CHN2: variants seen among roughly 807,000 people sequenced by gnomAD.
CHN2 encodes the protein beta-chimaerin.
A neutral mutation model predicts 56.3 loss-of-function variants in CHN2; 35 were observed. The observed-to-expected ratio is 0.62, with a 90% CI of 0.47 to 0.82. CHN2 has a LOEUF of 0.82. Ranked by LOEUF, CHN2 falls within the 40% of genes least tolerant of loss-of-function variation. The pLI is 0.00. For missense variants in CHN2, 491 were observed against 580.5 expected (o/e 0.85, Z 1.58); for synonymous variants, 210 against 212.8 (o/e 0.99, Z 0.12).
At chr7:29,277,383 A>G (rs906307183) in intron 1 of CHN2, among the ~76,000 whole-genome samples, 12 of 152,224 alleles carry the variant, frequency 7.9e-5, no homozygotes, top group African/African-American at 2.9e-4. Context: ...TCAAGCCCAT[A>G]CTGGCATGAA....
chr7:29,371,588 T>G (rs1377423740), intron 3 of CHN2, among the ~76,000 whole-genome samples: 2 of 152,166 alleles, frequency 1.3e-5, no homozygotes, highest in African/African-American at 4.8e-5. Flanking sequence ...ACAAACTGTG[T>G]GGAATGTTGA....
chr7:29,195,983 A>G (rs1490231024), intron 1 of CHN2, among the ~76,000 whole-genome samples: 1 of 152,148 alleles, frequency 6.6e-6, no homozygotes, highest in Non-Finnish European at 1.5e-5. Context: ...CATTTAGGGT[A>G]GTATACAGTA....
intron 6 of CHN2, among the ~76,000 whole-genome samples, chr7:29,438,374 A>G (rs1011881440): frequency 5.3e-5 from 8 of 152,206 alleles, no homozygotes; most frequent in Non-Finnish European, 1.0e-4. Flanking sequence ...TTTCTTAGCA[A>G]TTTGTTCTGA....
At chr7:29,342,226 A>G (rs541003073) in intron 1 of CHN2, among the ~76,000 whole-genome samples, 10 of 152,284 alleles carry the variant, frequency 6.6e-5, no homozygotes, top group Admixed American at 3.3e-4. Flanking sequence ...CTGGATGGTT[A>G]GATGGATGGA....
intron 1 of CHN2, chr7:29,208,813 C>T (rs1218990751): frequency 1.3e-5 from 2 of 152,138 alleles, no homozygotes; most frequent in African/African-American, 2.4e-5. Flanking sequence ...GCTGAGGTAC[C>T]GTGGTTGTAG....
chr7:29,320,846 T>G (rs1416338654), intron 1 of CHN2, among the ~76,000 whole-genome samples: 1 of 152,144 alleles, frequency 6.6e-6, no homozygotes, highest in Non-Finnish European at 1.5e-5. Flanking sequence ...TCCTTTCACC[T>G]CATATCCTGT....
At chr7:29,446,751 C>G (rs1784061903) in intron 6 of CHN2, among the ~76,000 whole-genome samples, 1 of 152,212 alleles carries the variant, frequency 6.6e-6, no homozygotes, top group African/African-American at 2.4e-5. Flanking sequence ...TGTAACAAAA[C>G]TAGCGAGGCT....
chr7:29,480,992 T>A (rs1000549574), intron 7 of CHN2, among the ~76,000 whole-genome samples: 6 of 152,238 alleles, frequency 3.9e-5, no homozygotes, highest in Non-Finnish European at 5.9e-5. Flanking sequence ...CAAGTGAATT[T>A]ATAAACTGGA....
rs1791783534 is a variant in CHN2 at position 29,513,955 on chromosome 7, A to G, written c.*1220A>G. The G allele has an allele frequency of 6.6e-6, 1 of 152,670 alleles. No individual in the cohort carries two copies. Among genetic ancestry groups the G allele is most frequent in the East Asian group, 1.9e-4 (1 of 5,204 alleles). 9.5% of individuals were successfully genotyped at this position (152,670 alleles called of 1,614,324 possible). On this transcript the variant is annotated 3_prime_UTR_variant, in exon 13 of 13. Coordinates refer to ENST00000222792, the MANE Select transcript of CHN2 (RefSeq NM_004067.4). Reference sequence around the variant, plus strand: ...TTAAAACATCAAAAACTGTAAATCTAGATTTTTAAAAAATCCAACTGCAAT... The same window carrying G: ...TTAAAACATCAAAAACTGTAAATCTGGATTTTTAAAAAATCCAACTGCAAT...
At chr7:29,214,382 T>C (rs1311545022) in intron 1 of CHN2, among the ~76,000 whole-genome samples, 5 of 152,204 alleles carry the variant, frequency 3.3e-5, no homozygotes, top group Non-Finnish European at 7.3e-5. Context: ...TTCCCTTTTA[T>C]CCATATGTTA....
At chr7:29,203,467 C>CAAAAAAAAAAAAAAAAAAAAAAAAAAAA (rs11287820) in intron 1 of CHN2, among the ~76,000 whole-genome samples, 1 of 55,584 alleles carries the variant, frequency 1.8e-5, no homozygotes, top group Non-Finnish European at 3.8e-5. Context: ...AACTCCGTCT[C>CAAAAAAAAAAAAAAAAAAAAAAAAAAAA]AAAAAAAAAA....
At chr7:29,480,884 G>A (rs1405085145) in intron 7 of CHN2, among the ~76,000 whole-genome samples, 4 of 146,766 alleles carry the variant, frequency 2.7e-5, no homozygotes, top group Admixed American at 7.2e-5. Flanking sequence ...CTCCGGGTAC[G>A]GCTAGCAGGG....
chr7:29,337,337 G>A (rs1796705744), intron 1 of CHN2, among the ~76,000 whole-genome samples: 1 of 152,176 alleles, frequency 6.6e-6, no homozygotes, highest in Admixed American at 6.5e-5. Flanking sequence ...GACTCTGGTA[G>A]TGGAAGTAGG....
intron 5 of CHN2, 68 bp from the exon 6 acceptor site, chr7:29,400,475 C>G: frequency 6.8e-7 from 1 of 1,476,892 alleles, no homozygotes; most frequent in Non-Finnish European, 9.3e-7. Flanking sequence ...ACGTTAGCTG[C>G]TATTGTTATC....
chr7:29,156,490 G>A (rs1170880770), intron 2 of CHN2, among the ~76,000 whole-genome samples: 6 of 152,180 alleles, frequency 3.9e-5, no homozygotes, highest in Admixed American at 6.6e-5. Context: ...TAAAGATGGC[G>A]ATCTTGTGAA....
rs1050490368 is a variant in CHN2, at chr7:29,290,164, A to G, written c.50-64461A>G. On this transcript the variant is annotated intron_variant, in intron 1 of 12. Transcript: ENST00000222792. ...AACTGCACTGTTTTAAAGCACAAGG[A>G]CCGTTTGACCAAACATGCTGCATTC... 3.9e-5 allele frequency among the ~76,000 whole-genome samples: 6 copies of G among 152,198 alleles called. No individual in the cohort carries two copies. The East Asian group carries it at 5.8e-4, about 15-fold the overall frequency.
intron 6 of CHN2, among the ~76,000 whole-genome samples, chr7:29,415,961 A>C (rs1161572702): frequency 1.3e-5 from 2 of 152,190 alleles, no homozygotes; most frequent in Non-Finnish European, 2.9e-5. Context: ...AAGTTGGTTA[A>C]ATTGTTTTTT....
rs1785490127 is a variant in CHN2, at chr7:29,218,250, A to G, written c.49+23260A>G. ...CTCTTTCCTTCTTACCTGTAACCATAAATACCAGACAGCCAAAGTCATGCC... is the reference window on the plus strand; with the variant it reads ...CTCTTTCCTTCTTACCTGTAACCATGAATACCAGACAGCCAAAGTCATGCC... On this transcript the variant is annotated intron_variant, in intron 1 of 12. Coordinates refer to ENST00000222792, the MANE Select transcript of CHN2 (RefSeq NM_004067.4). Among the ~76,000 whole-genome samples the G allele has an allele frequency of 2.0e-5, 3 of 151,296 alleles. No homozygotes were observed. The South Asian group carries it at 6.3e-4, about 32-fold the overall frequency.
chr7:29,159,841 T>C (rs950639671), intron 2 of CHN2, among the ~76,000 whole-genome samples: 1 of 152,212 alleles, frequency 6.6e-6, no homozygotes, highest in African/African-American at 2.4e-5. Flanking sequence ...TATTGTGATT[T>C]GTCTCAACTA....
Sources: gnomAD v4.1 joint callset for allele counts (sites outside exome capture counted in the v4.1 genomes callset) on GRCh38, gnomAD v4.1.1 for gene constraint, MANE v1.5 for transcripts, NCBI Gene and HGNC (gene_info 2026-07-23, HGNC 2026-07-21) for gene names.